The following SMLR1 variants were observed in gnomAD, a reference collection of about 807,000 sequenced individuals.
SMLR1 encodes small leucine rich protein 1, also known as small leucine-rich protein 1.
Under a neutral mutation model 6.1 loss-of-function variants are expected in SMLR1, and 3 were observed. The ratio of observed to expected loss-of-function variants is 0.49; its 90% confidence interval spans 0.22 to 1.28. The LOEUF is 1.28. Ranked by LOEUF, SMLR1 falls within the 50% of genes most tolerant of loss-of-function variation. The pLI is 0.19. For synonymous variants in SMLR1, 55 were observed against 53.6 expected, an observed-to-expected ratio of 1.03 and a Z score of -0.11; for missense variants, 126 against 124.8, an observed-to-expected ratio of 1.01 and a Z score of -0.05.
Position 130,827,586 on chromosome 6 carries a change from T to C in SMLR1, c.173T>C (p.Val58Ala). Reference protein sequence around the residue: ...ELPGWFLFFGVFLPVTLLLLL... With the variant: ...ELPGWFLFFGAFLPVTLLLLL... The stretch of plus-strand genomic sequence containing the variant: ...CCTGGCTGGTTCCTGTTCTTTGGGG[T>C]CTTCCTCCCCGTGACTTTGCTGCTG... Residue 58 changes from valine (V) to alanine (A), a missense_variant, in exon 1 of 2, where the codon GTC becomes GCC. Physicochemically the swap from Val to Ala is moderately conservative, Grantham distance 64. Coordinates refer to ENST00000541421, the MANE Select transcript of SMLR1 (RefSeq NM_001195597.2). 6.5e-7 allele frequency: 1 copy of C among 1,535,822 alleles called. No individual in the cohort carries two copies. Among genetic ancestry groups the C allele is most frequent in the Non-Finnish European group, 8.7e-7 (1 of 1,146,826 alleles).
chr6:130,834,957 G>C lies in SMLR1; in HGVS notation c.*2G>C. Reference sequence around the variant, plus strand: ...TACCAGAGAATGAAATGGACGTGAAGTTGGGGACTTTCCAATAACTAAAGC... The same window carrying C: ...TACCAGAGAATGAAATGGACGTGAACTTGGGGACTTTCCAATAACTAAAGC... On this transcript the variant is annotated 3_prime_UTR_variant, in exon 2 of 2. Coordinates refer to ENST00000541421, the MANE Select transcript of SMLR1 (RefSeq NM_001195597.2). The C allele has an allele frequency of 6.5e-7, 1 of 1,535,066 alleles. No individual in the cohort carries two copies. The highest frequency in any genetic ancestry group is 1.7e-4 in the Middle Eastern group (1 of 5,974).
chr6:130,835,430 G>C lies in SMLR1; in HGVS notation c.*475G>C, dbSNP rs984655488. ...AGAATATTTCCACGTTCTTCTTGCA[G>C]TTCAGCAACTCTTAAGTGACACAGT... is the stretch of plus-strand genomic sequence containing the variant. On this transcript the variant is annotated 3_prime_UTR_variant, in exon 2 of 2. Coordinates refer to ENST00000541421, the MANE Select transcript of SMLR1 (RefSeq NM_001195597.2). 8 of 154,924 alleles carry C rather than the reference G, an allele frequency of 5.2e-5. No homozygotes were observed. Among genetic ancestry groups the C allele is most frequent in the African/African-American group, 1.9e-4 (8 of 41,458 alleles). 9.6% of individuals were successfully genotyped at this position (154,924 alleles called of 1,614,324 possible). A position where few individuals can be genotyped will look rare whatever the true frequency, so the allele number is the denominator to read the frequency against.
intron 1 of SMLR1, among the ~76,000 whole-genome samples, chr6:130,833,915 G>T (rs1191982362): frequency 6.6e-6 from 1 of 152,118 alleles, no homozygotes; most frequent in Non-Finnish European, 1.5e-5. Flanking sequence ...GGGATAAATT[G>T]CATGGGCTTT....
chr6:130,835,095 C>A lies in SMLR1; in HGVS notation c.*140C>A. On this transcript the variant is annotated 3_prime_UTR_variant, in exon 2 of 2. Transcript: ENST00000541421. ...AGAATACTAAGATACTCATTCTGAA[C>A]CATACTGAAAAGTGGCAGCTATTAT... 1.4e-6 allele frequency: 1 copy of A among 694,230 alleles called. No individual in the cohort carries two copies. The highest frequency in any genetic ancestry group is 2.4e-6 in the Non-Finnish European group (1 of 414,174). 43.0% of individuals were successfully genotyped at this position (694,230 alleles called of 1,614,324 possible).
intron 1 of SMLR1, among the ~76,000 whole-genome samples, chr6:130,832,511 C>G (rs542767944): frequency 1.1e-4 from 16 of 152,146 alleles, no homozygotes; most frequent in Non-Finnish European, 2.4e-4. Flanking sequence ...AACAGCAGGA[C>G]ATACTATAGG....
chr6:130,830,264 A>G (rs947827199), intron 1 of SMLR1, among the ~76,000 whole-genome samples: 3 of 152,104 alleles, frequency 2.0e-5, no homozygotes, highest in African/African-American at 4.8e-5. Flanking sequence ...TCTACAGTGA[A>G]GGGGCACCCC....
At chr6:130,829,987 G>A (rs1396465297) in intron 1 of SMLR1, among the ~76,000 whole-genome samples, 1 of 152,098 alleles carries the variant, frequency 6.6e-6, no homozygotes, top group Non-Finnish European at 1.5e-5. Context: ...TTTATTCAAC[G>A]AATATTTGTT....
rs555857462 is a variant in SMLR1 at position 130,829,891 on chromosome 6, C to G, written c.238+2240C>G. On this transcript the variant is annotated intron_variant, in intron 1 of 1. Coordinates refer to ENST00000541421, the MANE Select transcript of SMLR1 (RefSeq NM_001195597.2). ...ATGTCAGCCTCACACGATGAGGGTC[C>G]ATGCTCACTGGGTAGAGTCATTACA... is the stretch of plus-strand genomic sequence containing the variant. 8.4e-4 allele frequency among the ~76,000 whole-genome samples: 128 copies of G among 152,282 alleles called. 1 individual carries two copies. The highest frequency in any genetic ancestry group is 2.9e-3 in the Admixed American group (44 of 15,296).
rs769740308 is a variant in SMLR1, at chr6:130,836,636, G to C, written c.*1681G>C. 1 of 152,182 alleles carries C rather than the reference G, an allele frequency of 6.6e-6. No homozygotes were observed. Among genetic ancestry groups the C allele is most frequent in the Non-Finnish European group, 1.5e-5 (1 of 68,026 alleles). 9.4% of individuals were successfully genotyped at this position (152,182 alleles called of 1,614,324 possible). A position where few individuals can be genotyped will look rare whatever the true frequency, so the allele number is the denominator to read the frequency against. ...TTTTCTGCCATCCAATGAGAGCAGA[G>C]AATCTCCAATGAAACTGACTAGATT... On this transcript the variant is annotated 3_prime_UTR_variant, in exon 2 of 2. Coordinates refer to ENST00000541421, the MANE Select transcript of SMLR1 (RefSeq NM_001195597.2).
At chr6:130,830,670 A>G (rs1182646320) in intron 1 of SMLR1, among the ~76,000 whole-genome samples, 1 of 152,098 alleles carries the variant, frequency 6.6e-6, no homozygotes, top group African/African-American at 2.4e-5. Context: ...ACAGGATGAG[A>G]TAGGAGGTCA....
chr6:130,830,813 G>C (rs1774419171), intron 1 of SMLR1, among the ~76,000 whole-genome samples: 1 of 152,142 alleles, frequency 6.6e-6, no homozygotes, highest in African/African-American at 2.4e-5. Context: ...ACTCCCACCA[G>C]CACGACAGTT....
At chr6:130,831,347 T>C (rs1050753125) in intron 1 of SMLR1, among the ~76,000 whole-genome samples, 1 of 152,196 alleles carries the variant, frequency 6.6e-6, no homozygotes, top group African/African-American at 2.4e-5. Context: ...CATCTATTTT[T>C]TTTTGGAGTA....
Position 130,835,081 on chromosome 6 carries a change from A to G in SMLR1, c.*126A>G, listed in dbSNP as rs1774609789. The G allele has an allele frequency of 2.6e-6, 2 of 779,802 alleles. No homozygotes were observed. The allele number at this position is 779,802 out of a possible 1,614,324, so 48.3% of individuals were successfully genotyped here. A position where few individuals can be genotyped will look rare whatever the true frequency, so the allele number is the denominator to read the frequency against. ...ATAGCAAAATAGAAAGAATACTAAG[A>G]TACTCATTCTGAACCATACTGAAAA... On this transcript the variant is annotated 3_prime_UTR_variant, in exon 2 of 2. Coordinates refer to ENST00000541421, the MANE Select transcript of SMLR1 (RefSeq NM_001195597.2).
At chr6:130,829,981 T>C (rs540739159) in intron 1 of SMLR1, among the ~76,000 whole-genome samples, 2 of 152,204 alleles carry the variant, frequency 1.3e-5, no homozygotes, top group Admixed American at 1.3e-4. Flanking sequence ...CATTCATTTA[T>C]TCAACGAATA....
chr6:130,834,194 T>G (rs1003122247), intron 1 of SMLR1, among the ~76,000 whole-genome samples: 1 of 151,954 alleles, frequency 6.6e-6, no homozygotes, highest in Non-Finnish European at 1.5e-5. Flanking sequence ...AGAGACATAA[T>G]AGTTGAAGCT....
intron 1 of SMLR1, among the ~76,000 whole-genome samples, chr6:130,832,955 T>A (rs940987787): frequency 6.6e-6 from 1 of 152,148 alleles, no homozygotes; most frequent in Non-Finnish European, 1.5e-5. Flanking sequence ...TAGTTATTGA[T>A]GATGGTGATT....
chr6:130,834,957 G>T lies in SMLR1; in HGVS notation c.*2G>T, dbSNP rs1312026101. The T allele has an allele frequency of 2.6e-6, 4 of 1,534,948 alleles. No homozygotes were observed. Among genetic ancestry groups the T allele is most frequent in the South Asian group, 1.2e-5 (1 of 84,036 alleles). On this transcript the variant is annotated 3_prime_UTR_variant, in exon 2 of 2. Coordinates refer to ENST00000541421, the MANE Select transcript of SMLR1 (RefSeq NM_001195597.2). ...TACCAGAGAATGAAATGGACGTGAA[G>T]TTGGGGACTTTCCAATAACTAAAGC...
Position 130,827,504 on chromosome 6 carries a change from G to C in SMLR1, c.91G>C (p.Val31Leu). Residue 31 changes from valine to leucine, a missense_variant, in exon 1 of 2, where the codon GTG becomes CTG. Physicochemically the swap from Val to Leu is conservative, Grantham distance 32. Coordinates refer to ENST00000541421, the MANE Select transcript of SMLR1 (RefSeq NM_001195597.2). ...CCTGAGTGTGACTCCCATGGTCCCCGTGGGGTCTGTGTGGTTGGCAATGAG... is the reference window on the plus strand; with the variant it reads ...CCTGAGTGTGACTCCCATGGTCCCCCTGGGGTCTGTGTGGTTGGCAATGAG... ...LVLSVTPMVP[V>L]GSVWLAMSSV... 1.3e-6 allele frequency: 2 copies of C among 1,535,962 alleles called. No homozygotes were observed. The highest frequency in any genetic ancestry group is 1.7e-6 in the Non-Finnish European group (2 of 1,146,842).
intron 1 of SMLR1, among the ~76,000 whole-genome samples, chr6:130,831,928 C>A (rs969142953): frequency 1.3e-4 from 20 of 152,154 alleles, no homozygotes; most frequent in Non-Finnish European, 2.8e-4. Flanking sequence ...GGTAATGGTG[C>A]ACATAAATTT....
Sources: allele counts gnomAD v4.1 joint callset (sites outside exome capture counted in the v4.1 genomes callset), GRCh38; gene constraint gnomAD v4.1.1; transcripts MANE v1.5; gene names NCBI Gene and HGNC (gene_info 2026-07-23, HGNC 2026-07-21).